The following LARP4B variants were observed in gnomAD, a reference collection of about 807,000 sequenced individuals.
The protein encoded by LARP4B is la-related protein 4B.
In LARP4B, 12 loss-of-function variants were observed where a neutral mutation model predicts 89.8. The observed-to-expected ratio is 0.13, with a 90% confidence interval of 0.09 to 0.22. The LOEUF (loss-of-function observed/expected upper bound fraction) is 0.22. LARP4B is among the 10% of genes least tolerant of loss of function. LARP4B has a pLI of 1.00. For missense variants in LARP4B, 757 were observed against 947.7 expected (o/e 0.80, Z 2.64); for synonymous variants, 367 against 363.3 (o/e 1.01, Z -0.12).
intron 3 of LARP4B, among the ~76,000 whole-genome samples, chr10:877,850 C>T (rs982000306): frequency 1.3e-5 from 2 of 152,228 alleles, no homozygotes; most frequent in African/African-American, 4.8e-5. Flanking sequence ...TTTGATGGAG[C>T]TTGCATTCTA....
At chr10:982,017 C>A in the LARP4B span, among the ~76,000 whole-genome samples, 3 of 151,708 alleles carry the variant, frequency 2.0e-5, no homozygotes, top group Non-Finnish European at 4.4e-5. Context: ...ATGCTTTTAG[C>A]ATATATGTGC....
intron 7 of LARP4B, among the ~76,000 whole-genome samples, chr10:840,709 C>T (rs980976135): frequency 6.6e-6 from 1 of 152,202 alleles, no homozygotes; most frequent in African/African-American, 2.4e-5. Context: ...GGAAATGTAA[C>T]TTATGCAACT....
chr10:885,949 T>C (rs1165445053), intron 1 of LARP4B, among the ~76,000 whole-genome samples, 189 bp from the exon 2 acceptor site: 3 of 152,152 alleles, frequency 2.0e-5, no homozygotes, highest in African/African-American at 7.2e-5. Context: ...AATAAGTAAG[T>C]TTCTTCTTCA....
At chr10:893,003 C>T (rs141341555) in intron 1 of LARP4B, among the ~76,000 whole-genome samples, 3,181 of 151,052 alleles carry the variant, frequency 0.021, 63 homozygotes, top group Admixed American at 0.06. Context: ...CTCTGCCTCC[C>T]GGGCTCAGGC....
Position 830,930 on chromosome 10 carries a change from G to A in LARP4B, c.798C>T (p.Asn266=). The part of the protein sequence containing the change: ...FKGDNLPKFI[N]CEFAYNDNWF... ...AATTATCATTATATGCAAATTCACAGTTTATAAATTTTGGTAAATTATCTC... is the reference window on the plus strand; with the variant it reads ...AATTATCATTATATGCAAATTCACAATTTATAAATTTTGGTAAATTATCTC... Residue 266 remains asparagine (N), a synonymous_variant, in exon 9 of 18, where the codon AAC becomes AAT. Transcript: ENST00000316157. 2 of 1,404,310 alleles carry A rather than the reference G, an allele frequency of 1.4e-6. No individual in the cohort carries two copies. The highest frequency in any genetic ancestry group is 2.0e-6 in the Non-Finnish European group (2 of 993,646). 87.0% of individuals were successfully genotyped at this position (1,404,310 alleles called of 1,614,324 possible).
the LARP4B span, among the ~76,000 whole-genome samples, chr10:984,865 G>A: frequency 1.3e-5 from 2 of 152,198 alleles, no homozygotes; most frequent in African/African-American, 4.8e-5. Flanking sequence ...CTGGGAGGTG[G>A]AGGTTGCAGT....
In LARP4B at chr10:825,290, T is replaced by A; in HGVS notation, c.1259A>T (p.His420Leu). ...SRNPSKSHLR[H>L]AIPSAERGPG... ...TCCCCTCTCTGCACTAGGAATCGCA[T>A]GCCGCAGATGAGATTTACTAGGATT... Residue 420 changes from histidine (H) to leucine (L), a missense_variant, in exon 13 of 18, where the codon CAT (histidine) becomes CTT (leucine). His to Leu is a moderately conservative substitution (Grantham distance 99). Coordinates refer to ENST00000316157, the MANE Select transcript of LARP4B (RefSeq NM_015155.3). 6.2e-7 allele frequency: 1 copy of A among 1,614,146 alleles called. No individual in the cohort carries two copies. Among genetic ancestry groups the A allele is most frequent in the African/African-American group, 1.3e-5 (1 of 75,072 alleles).
intron 1 of LARP4B, among the ~76,000 whole-genome samples, chr10:907,194 T>C (rs549524368): frequency 6.6e-6 from 1 of 152,206 alleles, no homozygotes; most frequent in Non-Finnish European, 1.5e-5. Context: ...CTGTTCACTG[T>C]TGTATCCCTA....
Position 902,148 on chromosome 10 carries a change from A to C in LARP4B, c.-39-16388T>G, listed in dbSNP as rs74116958. Reference sequence around the variant, plus strand: ...TTCTTACTAAAACATAATACAAAACAACCACCGAAACTGGAGTTTAGATCA... The same window carrying C: ...TTCTTACTAAAACATAATACAAAACCACCACCGAAACTGGAGTTTAGATCA... On this transcript the variant is annotated intron_variant, in intron 1 of 17. Coordinates refer to ENST00000316157, the MANE Select transcript of LARP4B (RefSeq NM_015155.3). Among the ~76,000 whole-genome samples, 517 of 152,274 alleles carry C rather than the reference A, an allele frequency of 3.4e-3. 5 individuals are homozygous for C. The highest frequency in any genetic ancestry group is 0.015 in the East Asian group (76 of 5,184).
rs915191025 is a variant in LARP4B at position 920,794 on chromosome 10, T to A, written c.-40+10634A>T. Among the ~76,000 whole-genome samples the A allele has an allele frequency of 2.0e-5, 3 of 152,122 alleles. No homozygotes were observed. The East Asian group carries it at 5.8e-4, about 29-fold the overall frequency. On this transcript the variant is annotated intron_variant, in intron 1 of 17. Transcript: ENST00000316157. Reference sequence around the variant, plus strand: ...CTCAAAAAAAAGGAATTAAAAAGAATTAAAGGTTCCTTCAGTCTTTTAATT... The same window carrying A: ...CTCAAAAAAAAGGAATTAAAAAGAAATAAAGGTTCCTTCAGTCTTTTAATT...
chr10:918,264 G>A (rs912093475), intron 1 of LARP4B, among the ~76,000 whole-genome samples: 1 of 152,140 alleles, frequency 6.6e-6, no homozygotes, highest in Non-Finnish European at 1.5e-5. Context: ...CTCCTGGGTT[G>A]CAATCATCAT....
chr10:854,640 T>C (rs1428440383), intron 5 of LARP4B, among the ~76,000 whole-genome samples: 1 of 152,146 alleles, frequency 6.6e-6, no homozygotes, highest in Non-Finnish European at 1.5e-5. Context: ...AACCATGATG[T>C]AAACAGATGT....
chr10:889,050 A>C (rs1172202412), intron 1 of LARP4B, among the ~76,000 whole-genome samples: 4 of 152,216 alleles, frequency 2.6e-5, no homozygotes, highest in African/African-American at 9.6e-5. Flanking sequence ...GCACCACTGC[A>C]CTCCATCCTA....
At chr10:900,917 CTCT>C (rs1362338705) in intron 1 of LARP4B, among the ~76,000 whole-genome samples, 4 of 113,228 alleles carry the variant, frequency 3.5e-5, no homozygotes, top group African/African-American at 9.8e-5. Flanking sequence ...AGCGCCTGGC[CTCT>C]TTTTTTTTTT....
At chr10:890,452 T>C (rs960280474) in intron 1 of LARP4B, among the ~76,000 whole-genome samples, 2 of 152,226 alleles carry the variant, frequency 1.3e-5, no homozygotes, top group Non-Finnish European at 2.9e-5. Context: ...CTTCTTTTTA[T>C]GTCTGTGTAG....
chr10:854,214 G>A (rs1564407678), intron 5 of LARP4B, among the ~76,000 whole-genome samples: 2 of 152,120 alleles, frequency 1.3e-5, no homozygotes, highest in Non-Finnish European at 2.9e-5. Context: ...CCTCTGCAGT[G>A]ACTTTCTCCA....
the LARP4B span, among the ~76,000 whole-genome samples, chr10:952,445 T>TGCA: frequency 7.5e-6 from 1 of 132,594 alleles, no homozygotes; most frequent in Non-Finnish European, 1.6e-5. Context: ...CAGACCCAAC[T>TGCA]GCATAACAGA....
chr10:945,761 A>G, the LARP4B span, among the ~76,000 whole-genome samples: 7 of 152,088 alleles, frequency 4.6e-5, no homozygotes, highest in Non-Finnish European at 7.4e-5. Flanking sequence ...CCACAAATTC[A>G]TGTTGATGCC....
At chr10:975,020 C>T in the LARP4B span, among the ~76,000 whole-genome samples, 1 of 152,250 alleles carries the variant, frequency 6.6e-6, no homozygotes, top group Admixed American at 6.5e-5. Context: ...CTGGCCTCTG[C>T]AGGCCCTGCC....
Sources: gnomAD v4.1 joint callset for allele counts (sites outside exome capture counted in the v4.1 genomes callset) on GRCh38, gnomAD v4.1.1 for gene constraint, MANE v1.5 for transcripts, NCBI Gene and HGNC (gene_info 2026-07-23, HGNC 2026-07-21) for gene names.